The following OTOGL variants were observed in gnomAD, a reference collection of about 807,000 sequenced individuals.
OTOGL encodes the protein otogelin-like protein.
OTOGL carries 285 observed loss-of-function variants against 318.5 expected under a neutral mutation model. That is an observed-to-expected ratio of 0.89 (90% CI 0.81 to 0.99). The LOEUF (loss-of-function observed/expected upper bound fraction) is 0.99, where lower values mean the gene tolerates loss of function less well. OTOGL is among the 50% of genes least tolerant of loss of function. OTOGL has a pLI of 0.00. For synonymous variants in OTOGL, 987 were observed against 936.5 expected, an observed-to-expected ratio of 1.05 and a Z score of -0.99; for missense variants, 2,899 against 2,845.6, an observed-to-expected ratio of 1.02 and a Z score of -0.43.
At chr12:80,168,407 G>T (rs762717918) in intron 1 of OTOGL, among the ~76,000 whole-genome samples, 3 of 152,068 alleles carry the variant, frequency 2.0e-5, no homozygotes, top group Non-Finnish European at 2.9e-5. Flanking sequence ...TTCAACCAGG[G>T]TTATGTCATA....
At chr12:80,265,656 A>G (rs542212194) in intron 20 of OTOGL, 14 of 182,252 alleles carry the variant, frequency 7.7e-5, no homozygotes, top group African/African-American at 3.1e-4. Context: ...ATTTTCATTC[A>G]TGGTAGATTG....
At chr12:80,112,611 A>G (rs972807342) in intron 1 of OTOGL, among the ~76,000 whole-genome samples, 3 of 151,900 alleles carry the variant, frequency 2.0e-5, no homozygotes, top group African/African-American at 7.3e-5. Flanking sequence ...ATTGTGGTGG[A>G]TAAGCTTTTT....
intron 1 of OTOGL, among the ~76,000 whole-genome samples, chr12:80,208,008 C>A (rs187741429): frequency 7.6e-4 from 116 of 151,934 alleles, no homozygotes; most frequent in African/African-American, 2.7e-3. Flanking sequence ...ACATACTGTA[C>A]TTCAATTAAT....
At chr12:80,364,394 T>A (rs923239087) in intron 52 of OTOGL, among the ~76,000 whole-genome samples, 3 of 152,168 alleles carry the variant, frequency 2.0e-5, no homozygotes, top group African/African-American at 7.2e-5. Context: ...TGCATTTTTT[T>A]AAAATAATAA....
chr12:80,244,523 G>A lies in OTOGL; in HGVS notation c.1052+5084G>A, dbSNP rs1307875623. ...ACTCATCATTCTTTATGGCTGCATA[G>A]TATTCCATGGTGTATATGTGCCACA... is the stretch of plus-strand genomic sequence containing the variant. On this transcript the variant is annotated intron_variant, in intron 11 of 58. Coordinates refer to ENST00000547103, the MANE Select transcript of OTOGL (RefSeq NM_001378609.3). Among the ~76,000 whole-genome samples, 11 of 149,176 alleles carry A rather than the reference G, an allele frequency of 7.4e-5. No individual in the cohort carries two copies. The South Asian group carries it at 1.3e-3, about 17-fold the overall frequency.
At chr12:80,243,478 G>A (rs1880557078) in intron 11 of OTOGL, among the ~76,000 whole-genome samples, 1 of 151,556 alleles carries the variant, frequency 6.6e-6, no homozygotes, top group Admixed American at 6.6e-5. Context: ...CAATATAAAG[G>A]ATATGATAAA....
At chr12:80,235,973 C>T (rs917831837) in intron 9 of OTOGL, among the ~76,000 whole-genome samples, 4 of 152,076 alleles carry the variant, frequency 2.6e-5, no homozygotes, top group Admixed American at 6.5e-5. Context: ...TTTAAGAAGC[C>T]TGATATTTTC....
At chr12:80,316,421 T>C (rs972752021) in intron 32 of OTOGL, among the ~76,000 whole-genome samples, 1 of 152,222 alleles carries the variant, frequency 6.6e-6, no homozygotes, top group Non-Finnish European at 1.5e-5. Flanking sequence ...GAATTTTCTA[T>C]GCATATTGAA....
At chr12:80,348,152 T>C (rs1312485275) in intron 44 of OTOGL, among the ~76,000 whole-genome samples, 1 of 151,586 alleles carries the variant, frequency 6.6e-6, no homozygotes, top group Non-Finnish European at 1.5e-5. Flanking sequence ...AACTTTGGCT[T>C]TTGTTGCCAT....
intron 1 of OTOGL, among the ~76,000 whole-genome samples, chr12:80,128,429 G>T (rs1056024225): frequency 1.3e-5 from 2 of 152,230 alleles, no homozygotes; most frequent in Non-Finnish European, 2.9e-5. Context: ...ACCCGGCTAT[G>T]TGAGGTGTCA....
At chr12:80,313,435 G>A (rs1351252253) in intron 30 of OTOGL, 41 bp from the exon 31 acceptor site, 4 of 1,530,688 alleles carry the variant, frequency 2.6e-6, no homozygotes, top group Non-Finnish European at 2.7e-6. Flanking sequence ...ATCATAATCA[G>A]TATCTATTGA....
chr12:80,328,054 T>G (rs1309803224), intron 35 of OTOGL, among the ~76,000 whole-genome samples: 1 of 149,206 alleles, frequency 6.7e-6, no homozygotes. Flanking sequence ...CCAGGGCTAA[T>G]GCCTGTAATC....
At chr12:80,110,199 C>G (rs12812975) in intron 1 of OTOGL, among the ~76,000 whole-genome samples, 5,193 of 151,800 alleles carry the variant, frequency 0.034, 104 homozygotes, top group South Asian at 0.09. Flanking sequence ...TCCCGAGTAG[C>G]TGGGACTACA....
intron 2 of OTOGL, among the ~76,000 whole-genome samples, chr12:80,209,726 A>C (rs185735891): frequency 4.7e-4 from 72 of 152,226 alleles, no homozygotes; most frequent in Non-Finnish European, 9.0e-4. Flanking sequence ...GCTAGTTAAA[A>C]ATCATGCTTT....
At chr12:80,351,920 T>C (rs992272605) in intron 44 of OTOGL, among the ~76,000 whole-genome samples, 11 of 152,242 alleles carry the variant, frequency 7.2e-5, no homozygotes, top group African/African-American at 2.7e-4. Context: ...AGCAATGCTG[T>C]ATACCATTAG....
Position 80,323,858 on chromosome 12 carries a change from A to G in OTOGL, c.4199+18A>G, listed in dbSNP as rs143852745. On this transcript the variant is annotated intron_variant, in intron 35 of 58. Transcript: ENST00000547103. ...CTTCCACCGTAAGTAACGTTTACCA[A>G]TAAGTGATCAAAGTCCAGCCTTAGC... The G allele has an allele frequency of 9.5e-4, 1,492 of 1,567,492 alleles. 9 individuals carry two copies. The Middle Eastern group carries it at 9.5e-3, about 10-fold the overall frequency.
At chr12:80,294,249 G>C (rs1035960651) in intron 26 of OTOGL, among the ~76,000 whole-genome samples, 1 of 151,822 alleles carries the variant, frequency 6.6e-6, no homozygotes, top group African/African-American at 2.4e-5. Flanking sequence ...AAATTACTGT[G>C]AGCATAGCAT....
chr12:80,268,124 G>A (rs7966293), intron 22 of OTOGL, among the ~76,000 whole-genome samples: 9,471 of 152,086 alleles, frequency 0.062, 944 homozygotes, highest in African/African-American at 0.22. Flanking sequence ...ATCTAGGCAC[G>A]TCCATGCAGC....
At chr12:80,268,349 C>A (rs1463533935) in intron 22 of OTOGL, among the ~76,000 whole-genome samples, 2 of 152,028 alleles carry the variant, frequency 1.3e-5, no homozygotes, top group Non-Finnish European at 2.9e-5. Flanking sequence ...GTTGTTTTAT[C>A]CTGATTTACA....
Sources: allele counts gnomAD v4.1 joint callset (sites outside exome capture counted in the v4.1 genomes callset), GRCh38; gene constraint gnomAD v4.1.1; transcripts MANE v1.5; gene names NCBI Gene and HGNC (gene_info 2026-07-23, HGNC 2026-07-21).